RBFOX3: variants seen among roughly 807,000 people sequenced by gnomAD.
The protein encoded by RBFOX3 is RNA binding fox-1 homolog 3.
RBFOX3 carries 17 observed loss-of-function variants against 48.7 expected under a neutral mutation model. That is an observed-to-expected ratio of 0.35 (90% confidence interval 0.24 to 0.52). The LOEUF (loss-of-function observed/expected upper bound fraction) is 0.52. RBFOX3 is among the 20% of genes least tolerant of loss of function. RBFOX3 has a pLI of 0.94. For missense variants in RBFOX3, 382 were observed against 497.5 expected (o/e 0.77, Z 2.21); for synonymous variants, 212 against 209.5 (o/e 1.01, Z -0.10).
intron 2 of RBFOX3, among the ~76,000 whole-genome samples, chr17:79,474,572 C>A (rs2077458071): frequency 6.6e-6 from 1 of 152,204 alleles, no homozygotes; most frequent in Non-Finnish European, 1.5e-5. Context: ...AAAGTCTGTG[C>A]AGAAGGTCAC....
At chr17:79,256,943 CAAAACAAAAAA>C (rs71161655) in intron 3 of RBFOX3, among the ~76,000 whole-genome samples, 22,118 of 100,744 alleles carry the variant, frequency 0.22, 1,845 homozygotes, top group East Asian at 0.45. Flanking sequence ...ACAAACAAAA[CAAAACAAAAAA>C]AAAACAAAAA....
At position 79,570,812 on chromosome 17, in the gene RBFOX3, C is replaced by T. The variant is rs1056727635; in HGVS notation, c.-320+40014G>A. Among the ~76,000 whole-genome samples, 806 of 152,294 alleles carry T rather than the reference C, an allele frequency of 5.3e-3. 8 individuals carry two copies. The highest frequency in any genetic ancestry group is 0.017 in the African/African-American group (727 of 41,566). Reference sequence around the variant, plus strand: ...CTGGGAACCCCTGATGCAGGGCTCACATCTTTCCAGGAGTGGGCCTGTGGG... The same window carrying T: ...CTGGGAACCCCTGATGCAGGGCTCATATCTTTCCAGGAGTGGGCCTGTGGG... On this transcript the variant is annotated intron_variant, in intron 1 of 14. Transcript: ENST00000693108.
At position 79,414,747 on chromosome 17, in the gene RBFOX3, G is replaced by A. The variant is rs759922428; in HGVS notation, c.-175+67707C>T. ...GCACCTGGGAAGACAGCGTGCCCACGGGAGGACTGAACAGCCTCTGCACTC... is the reference window on the plus strand; with the variant it reads ...GCACCTGGGAAGACAGCGTGCCCACAGGAGGACTGAACAGCCTCTGCACTC... On this transcript the variant is annotated intron_variant, in intron 2 of 14. Coordinates refer to ENST00000693108, the MANE Select transcript of RBFOX3 (RefSeq NM_001350451.2). Among the ~76,000 whole-genome samples the A allele has an allele frequency of 1.3e-4, 20 of 152,346 alleles. No individual in the cohort carries two copies. The South Asian group carries it at 1.9e-3, about 14-fold the overall frequency.
chr17:79,623,902 G>C, the RBFOX3 span, among the ~76,000 whole-genome samples: 1 of 151,856 alleles, frequency 6.6e-6, no homozygotes. Context: ...GGGTCGGAGA[G>C]AGCTGTGCTG....
the RBFOX3 span, among the ~76,000 whole-genome samples, chr17:79,637,603 G>T: frequency 6.6e-6 from 1 of 151,800 alleles, no homozygotes; most frequent in Non-Finnish European, 1.5e-5. Flanking sequence ...GATGAGGCAG[G>T]AGAATCACTT....
At chr17:79,574,050 G>A (rs1158803135) in intron 1 of RBFOX3, among the ~76,000 whole-genome samples, 5 of 152,242 alleles carry the variant, frequency 3.3e-5, no homozygotes, top group Admixed American at 3.3e-4. Context: ...GCCCTCAAGG[G>A]AGCAGGTCAG....
intron 2 of RBFOX3, among the ~76,000 whole-genome samples, chr17:79,332,448 G>A (rs1158257236): frequency 6.6e-6 from 1 of 152,088 alleles, no homozygotes; most frequent in Non-Finnish European, 1.5e-5. Flanking sequence ...CAGGCTCTGG[G>A]GTCCACGTGA....
chr17:79,262,769 T>C (rs1325742642), intron 3 of RBFOX3, among the ~76,000 whole-genome samples: 1 of 152,224 alleles, frequency 6.6e-6, no homozygotes, highest in Non-Finnish European at 1.5e-5. Context: ...CCAAGACTGG[T>C]CCAATAGTAT....
At chr17:79,638,000 C>T in the RBFOX3 span, among the ~76,000 whole-genome samples, 1 of 151,544 alleles carries the variant, frequency 6.6e-6, no homozygotes, top group Non-Finnish European at 1.5e-5. Flanking sequence ...AACCATTGGA[C>T]AAAAGAGGAA....
At position 79,462,644 on chromosome 17, in the gene RBFOX3, A is replaced by G. The variant is rs1335940795; in HGVS notation, c.-175+19810T>C. Among the ~76,000 whole-genome samples the G allele has an allele frequency of 4.6e-5, 7 of 152,346 alleles. No homozygotes were observed. The South Asian group carries it at 1.4e-3, about 32-fold the overall frequency. ...TTAGGGATCCTGCTCAGTGTCCTAC[A>G]GCCCAAAACATCACTAGTGCTGAGG... is the stretch of plus-strand genomic sequence containing the variant. On this transcript the variant is annotated intron_variant, in intron 2 of 14. Coordinates refer to ENST00000693108, the MANE Select transcript of RBFOX3 (RefSeq NM_001350451.2).
At position 79,090,702 on chromosome 17, in the gene RBFOX3, C is replaced by T; in HGVS notation, c.*181G>A. 1 of 758,768 alleles carries T rather than the reference C, an allele frequency of 1.3e-6. No homozygotes were observed. Among genetic ancestry groups the T allele is most frequent in the Non-Finnish European group, 2.1e-6 (1 of 479,168 alleles). 47.0% of individuals were successfully genotyped at this position (758,768 alleles called of 1,614,324 possible). The stretch of plus-strand genomic sequence containing the variant: ...TCCTCGGCGCCCCTGCCGGCGTGCT[C>T]CCTCGGTGCGGGCGTGTGGCCAGGA... On this transcript the variant is annotated 3_prime_UTR_variant, in exon 15 of 15. Coordinates refer to ENST00000693108, the MANE Select transcript of RBFOX3 (RefSeq NM_001350451.2).
At position 79,457,519 on chromosome 17, in the gene RBFOX3, G is replaced by A. The variant is rs947518263; in HGVS notation, c.-175+24935C>T. ...TTCATGTCCTGCTCAACATCCCAGCGGCTCTTCCTGAAGCCCAGGGCCAGC... is the reference window on the plus strand; with the variant it reads ...TTCATGTCCTGCTCAACATCCCAGCAGCTCTTCCTGAAGCCCAGGGCCAGC... On this transcript the variant is annotated intron_variant, in intron 2 of 14. Transcript: ENST00000693108. 8.5e-5 allele frequency among the ~76,000 whole-genome samples: 13 copies of A among 152,170 alleles called. No homozygotes were observed. In the South Asian group the frequency reaches 2.1e-3, roughly 24 times the overall value.
intron 4 of RBFOX3, among the ~76,000 whole-genome samples, chr17:79,152,936 G>A (rs1389983259): frequency 6.6e-6 from 1 of 152,204 alleles, no homozygotes; most frequent in Non-Finnish European, 1.5e-5. Flanking sequence ...GGTGTTTCCA[G>A]CCCTTCTCTG....
Position 79,212,754 on chromosome 17 carries a change from G to A in RBFOX3, c.-34+23012C>T, listed in dbSNP as rs2058544360. Among the ~76,000 whole-genome samples, 2 of 152,172 alleles carry A rather than the reference G, an allele frequency of 1.3e-5. No individual in the cohort carries two copies. The highest frequency in any genetic ancestry group is 2.4e-5 in the African/African-American group (1 of 41,438). The stretch of plus-strand genomic sequence containing the variant: ...AATGAGAAAAGCAGGCTGTGGGGAG[G>A]GGCGGGGAATGGGAGAAAGTGCCTG... On this transcript the variant is annotated intron_variant, in intron 4 of 14. Coordinates refer to ENST00000693108, the MANE Select transcript of RBFOX3 (RefSeq NM_001350451.2). The surrounding 1 kb of genome is among the most constrained non-coding windows in gnomAD (Gnocchi z 4.7).
At chr17:79,335,085 C>G (rs1568062909) in intron 2 of RBFOX3, among the ~76,000 whole-genome samples, 1 of 152,246 alleles carries the variant, frequency 6.6e-6, no homozygotes, top group Non-Finnish European at 1.5e-5. Flanking sequence ...ACTGTGTCTG[C>G]CTCTGCATCC....
At chr17:79,182,743 C>A (rs1466523941) in intron 4 of RBFOX3, among the ~76,000 whole-genome samples, 1 of 151,702 alleles carries the variant, frequency 6.6e-6, no homozygotes, top group Non-Finnish European at 1.5e-5. Context: ...CCTGGGGCCT[C>A]CCTCGCCAGG....
At chr17:79,653,610 G>A in the RBFOX3 span, among the ~76,000 whole-genome samples, 4 of 152,204 alleles carry the variant, frequency 2.6e-5, no homozygotes, top group Non-Finnish European at 5.9e-5. Context: ...ATAGCTTCGA[G>A]TGTATAAGCA....
Position 79,103,387 on chromosome 17 carries a change from G to C in RBFOX3, c.415-133C>G. The C allele has an allele frequency of 2.9e-6, 2 of 680,040 alleles. No individual in the cohort carries two copies. Among genetic ancestry groups the C allele is most frequent in the Non-Finnish European group, 5.2e-6 (2 of 382,076 alleles). 42.1% of individuals were successfully genotyped at this position (680,040 alleles called of 1,614,324 possible). A position where few individuals can be genotyped will look rare whatever the true frequency, so the allele number is the denominator to read the frequency against. ...AGAGAGAGAGAAGGGGTTGAGTCAGGTGAGTTGAGGCAGAGACGCAGGCAG... is the reference window on the plus strand; with the variant it reads ...AGAGAGAGAGAAGGGGTTGAGTCAGCTGAGTTGAGGCAGAGACGCAGGCAG... On this transcript the variant is annotated intron_variant, in intron 7 of 14. Coordinates refer to ENST00000693108, the MANE Select transcript of RBFOX3 (RefSeq NM_001350451.2). This position sits in a 1 kb window ranked among gnomAD's most constrained non-coding sequence, Gnocchi z 6.1.
intron 1 of RBFOX3, among the ~76,000 whole-genome samples, chr17:79,500,849 G>A (rs1196359975): frequency 6.6e-6 from 1 of 152,196 alleles, no homozygotes; most frequent in Non-Finnish European, 1.5e-5. Flanking sequence ...GGCCAGGCTT[G>A]GAGATGCAGA....
Sources: allele counts gnomAD v4.1 joint callset (sites outside exome capture counted in the v4.1 genomes callset), GRCh38; gene constraint gnomAD v4.1.1; non-coding constraint Gnocchi (gnomAD v3.1); transcripts MANE v1.5; gene names NCBI Gene and HGNC (gene_info 2026-07-23, HGNC 2026-07-21).